DNAH7: variants seen among roughly 807,000 people sequenced by gnomAD.
DNAH7 encodes dynein axonemal heavy chain 7.
In DNAH7, 397 loss-of-function variants were observed where a neutral mutation model predicts 444.6. That is an observed-to-expected ratio of 0.89 (90% CI 0.82 to 0.97). The LOEUF (loss-of-function observed/expected upper bound fraction) is 0.97, where lower values mean the gene tolerates loss of function less well. DNAH7 is among the 50% of genes least tolerant of loss of function. The pLI is 0.00. For missense variants in DNAH7, 4,902 were observed against 4,800.8 expected (o/e 1.02, Z -0.62); for synonymous variants, 1,636 against 1,624.4 (o/e 1.01, Z -0.17).
In DNAH7 at chr2:196,046,805, T is replaced by G. The variant is rs1697158398; in HGVS notation, c.398+547A>C. Among the ~76,000 whole-genome samples the G allele has an allele frequency of 2.0e-5, 3 of 152,252 alleles. No individual in the cohort carries two copies. The South Asian group carries it at 6.2e-4, about 32-fold the overall frequency. On this transcript the variant is annotated intron_variant, in intron 5 of 64. Transcript: ENST00000312428. ...AACCCCACTCGTCCCACAAATGGTG[T>G]ACACCCTGAGAATCATAACGAAACT... is the stretch of plus-strand genomic sequence containing the variant.
At chr2:195,748,043 T>C (rs951914287) in intron 63 of DNAH7, among the ~76,000 whole-genome samples, 1 of 152,118 alleles carries the variant, frequency 6.6e-6, no homozygotes, top group Non-Finnish European at 1.5e-5. Context: ...GGAAGTGAAA[T>C]TGTCCCTGTT....
intron 57 of DNAH7, among the ~76,000 whole-genome samples, chr2:195,792,335 C>T (rs1444764570): frequency 6.7e-6 from 1 of 149,652 alleles, no homozygotes; most frequent in Non-Finnish European, 1.5e-5. Flanking sequence ...ATTTAACAAA[C>T]CTGTAAATGT....
chr2:195,974,320 T>C (rs1456661209), intron 15 of DNAH7, among the ~76,000 whole-genome samples: 1 of 152,254 alleles, frequency 6.6e-6, no homozygotes, highest in Non-Finnish European at 1.5e-5. Flanking sequence ...CAGCTATCTA[T>C]GTAGTCAAAT....
intron 10 of DNAH7, among the ~76,000 whole-genome samples, chr2:196,010,494 C>T (rs1694664049): frequency 1.3e-5 from 2 of 152,090 alleles, no homozygotes; most frequent in African/African-American, 4.8e-5. Flanking sequence ...TTTGTACAAC[C>T]ACTAGAGAGA....
chr2:195,851,414 A>C (rs1249344793), intron 46 of DNAH7, among the ~76,000 whole-genome samples: 3 of 152,194 alleles, frequency 2.0e-5, no homozygotes, highest in Admixed American at 2.0e-4. Context: ...TGAAGTGACT[A>C]CTTGAATCAA....
chr2:195,922,811 G>A (rs1160141694), intron 23 of DNAH7, among the ~76,000 whole-genome samples: 1 of 151,964 alleles, frequency 6.6e-6, no homozygotes, highest in African/African-American at 2.4e-5. Flanking sequence ...CATCCACCTG[G>A]ATGCCCTGGT....
At chr2:196,048,564 G>C (rs1343834106) in intron 3 of DNAH7, among the ~76,000 whole-genome samples, 160 bp from the exon 4 acceptor site, 1 of 152,206 alleles carries the variant, frequency 6.6e-6, no homozygotes, top group Admixed American at 6.5e-5. Context: ...CCTGTGAATG[G>C]TCATGGTGTG....
intron 1 of DNAH7, among the ~76,000 whole-genome samples, chr2:196,060,768 C>G (rs1698091479): frequency 6.6e-6 from 1 of 152,158 alleles, no homozygotes; most frequent in Admixed American, 6.5e-5. Context: ...CTCCACAATG[C>G]CAAGTCCTGT....
At chr2:195,814,663 A>G (rs1697139683) in intron 51 of DNAH7, among the ~76,000 whole-genome samples, 1 of 152,228 alleles carries the variant, frequency 6.6e-6, no homozygotes. Context: ...GTAGAAATTA[A>G]GACCAGTAGT....
chr2:195,830,228 G>A (rs185546045), intron 48 of DNAH7, among the ~76,000 whole-genome samples: 1 of 152,224 alleles, frequency 6.6e-6, no homozygotes, highest in Admixed American at 6.5e-5. Flanking sequence ...AAGCTTATGG[G>A]AAATCAAGAC....
chr2:195,966,036 C>A (rs1234188279), intron 17 of DNAH7, among the ~76,000 whole-genome samples: 1 of 151,486 alleles, frequency 6.6e-6, no homozygotes, highest in African/African-American at 2.4e-5. Flanking sequence ...CCTTAAGGTG[C>A]ATAATTAGAT....
At chr2:195,835,567 C>T (rs12477668) in intron 47 of DNAH7, among the ~76,000 whole-genome samples, 68,233 of 151,940 alleles carry the variant, frequency 0.45, 16,489 homozygotes, top group Non-Finnish European at 0.56. Context: ...TAGCTTAGGC[C>T]GGGTGCGGTA....
At chr2:195,962,244 C>T (rs539741251) in intron 17 of DNAH7, among the ~76,000 whole-genome samples, 2 of 152,306 alleles carry the variant, frequency 1.3e-5, no homozygotes, top group Admixed American at 1.3e-4. Context: ...TTATGGTGTA[C>T]ATGAGATACT....
Position 195,969,978 on chromosome 2 carries a change from C to T in DNAH7, c.2175G>A (p.Leu725=). The T allele has an allele frequency of 1.2e-6, 2 of 1,607,196 alleles. No individual in the cohort carries two copies. Among genetic ancestry groups the T allele is most frequent in the Middle Eastern group, 1.7e-4 (1 of 6,042 alleles). ...VQRYLKKAQI[L]NGKLDLAADK... Reference sequence around the variant, plus strand: ...CTGCAGCTAAATCCAACTTTCCATTCAGTATTTGAGCCTTTTTTAGGTACC... The same window carrying T: ...CTGCAGCTAAATCCAACTTTCCATTTAGTATTTGAGCCTTTTTTAGGTACC... Residue 725 remains leucine (L), a synonymous_variant, in exon 17 of 65, where the codon CTG becomes CTA. Coordinates refer to ENST00000312428, the MANE Select transcript of DNAH7 (RefSeq NM_018897.3).
At chr2:195,852,167 A>C (rs926114442) in intron 46 of DNAH7, among the ~76,000 whole-genome samples, 3 of 152,160 alleles carry the variant, frequency 2.0e-5, no homozygotes, top group African/African-American at 7.2e-5. Flanking sequence ...CTGAGGCAGG[A>C]GAATCGCGTG....
intron 45 of DNAH7, among the ~76,000 whole-genome samples, chr2:195,853,752 T>A (rs1043013943): frequency 3.9e-5 from 6 of 152,246 alleles, no homozygotes; most frequent in Non-Finnish European, 8.8e-5. Flanking sequence ...ATTTACCATA[T>A]AATACAAAGA....
chr2:195,868,196 T>A (rs483539), intron 40 of DNAH7, among the ~76,000 whole-genome samples: 36 of 149,128 alleles, frequency 2.4e-4, no homozygotes, highest in African/African-American at 7.7e-4. Context: ...CCCGGGTTCA[T>A]GCCATTCTCC....
intron 51 of DNAH7, among the ~76,000 whole-genome samples, chr2:195,816,199 C>A (rs1697211763): frequency 6.6e-6 from 1 of 152,032 alleles, no homozygotes; most frequent in Non-Finnish European, 1.5e-5. Flanking sequence ...CAAATAATCG[C>A]AACAAGGCTT....
chr2:195,739,954 ACC>A (rs957848849), intron 64 of DNAH7, among the ~76,000 whole-genome samples: 4 of 151,796 alleles, frequency 2.6e-5, no homozygotes, highest in Non-Finnish European at 4.4e-5. Flanking sequence ...GTTTAAAATG[ACC>A]CCCATGTGTA....
Sources: gnomAD v4.1 joint callset for allele counts (sites outside exome capture counted in the v4.1 genomes callset) on GRCh38, gnomAD v4.1.1 for gene constraint, MANE v1.5 for transcripts, NCBI Gene and HGNC (gene_info 2026-07-23, HGNC 2026-07-21) for gene names.